Variants in NMNAT2 observed in about 807,000 individuals in gnomAD.
NMNAT2 encodes the protein nicotinamide nucleotide adenylyltransferase 2.
Under a neutral mutation model 41.6 loss-of-function variants are expected in NMNAT2, and 11 were observed. The observed-to-expected ratio is 0.26, with a 90% CI of 0.17 to 0.44. The LOEUF is 0.44. NMNAT2 is among the 20% of genes least tolerant of loss of function. The pLI, the probability that NMNAT2 is intolerant of heterozygous loss-of-function variation, is 1.00. For synonymous variants in NMNAT2, 148 were observed against 151.2 expected (o/e 0.98, Z 0.16); for missense variants, 288 against 407.7 (o/e 0.71, Z 2.53).
intron 1 of NMNAT2, among the ~76,000 whole-genome samples, chr1:183,387,554 A>G (rs1054494782): frequency 6.6e-6 from 1 of 152,192 alleles, no homozygotes; most frequent in Non-Finnish European, 1.5e-5. Context: ...CAATTTGTCA[A>G]CTAATCTACT....
At chr1:183,387,229 A>C (rs1483777402) in intron 1 of NMNAT2, among the ~76,000 whole-genome samples, 6 of 136,740 alleles carry the variant, frequency 4.4e-5, no homozygotes, top group Non-Finnish European at 3.2e-5. Context: ...CTGTGATGGA[A>C]GATCCCTGTG....
At chr1:183,383,040 C>G (rs1240583586) in intron 1 of NMNAT2, among the ~76,000 whole-genome samples, 3 of 152,240 alleles carry the variant, frequency 2.0e-5, no homozygotes, top group African/African-American at 7.2e-5. Context: ...CCTGCACATC[C>G]TTGCATGTCT....
rs192921244 is a variant in NMNAT2 at position 183,283,475 on chromosome 1, C to T, written c.574+520G>A. On this transcript the variant is annotated intron_variant, in intron 7 of 10. Coordinates refer to ENST00000287713, the MANE Select transcript of NMNAT2 (RefSeq NM_015039.4). ...TGACAGCTGTGTAACCGCCCTCCAC[C>T]GGCTCGGGCCTGCCCTGGCCTGCTC... is the stretch of plus-strand genomic sequence containing the variant. 2.6e-3 allele frequency: 410 copies of T among 160,504 alleles called. 4 individuals are homozygous for T. The highest frequency in any genetic ancestry group is 9.4e-3 in the African/African-American group (391 of 41,700). The allele number at this position is 160,504 out of a possible 1,614,324, so 9.9% of individuals were successfully genotyped here.
intron 1 of NMNAT2, among the ~76,000 whole-genome samples, chr1:183,308,683 AT>A (rs985450170): frequency 1.3e-5 from 2 of 152,244 alleles, no homozygotes; most frequent in Non-Finnish European, 2.9e-5. Flanking sequence ...GGGAAAAAAA[AT>A]CAAATCACAG....
At chr1:183,302,373 G>A (rs1239477051) in intron 1 of NMNAT2, among the ~76,000 whole-genome samples, 2 of 152,132 alleles carry the variant, frequency 1.3e-5, no homozygotes, top group Non-Finnish European at 2.9e-5. Context: ...CCACTGGGAC[G>A]GGGTGGCCTA....
rs140477053 is a variant in NMNAT2, at chr1:183,403,462, G to A, written c.85+14721C>T. 3.8e-3 allele frequency among the ~76,000 whole-genome samples: 543 copies of A among 143,770 alleles called. 7 individuals are homozygous for A. The highest frequency in any genetic ancestry group is 0.013 in the African/African-American group (520 of 39,074). The allele number at this position is 143,770 out of a possible 152,430, so 94.3% of individuals were successfully genotyped here. On this transcript the variant is annotated intron_variant, in intron 1 of 10. Coordinates refer to ENST00000287713, the MANE Select transcript of NMNAT2 (RefSeq NM_015039.4). ...ACAACCCCCCCCCCCAAAAAAAATG[G>A]CACTAAAACATCTCAGTAGCCATGG...
chr1:183,342,011 T>C (rs1486591100), intron 1 of NMNAT2, among the ~76,000 whole-genome samples: 1 of 144,524 alleles, frequency 6.9e-6, no homozygotes, highest in Non-Finnish European at 1.5e-5. Context: ...GTCTTTATCT[T>C]CCTTCCTCAC....
chr1:183,280,376 C>T (rs1330624137), intron 7 of NMNAT2, among the ~76,000 whole-genome samples: 3 of 151,956 alleles, frequency 2.0e-5, no homozygotes, highest in South Asian at 2.1e-4. Flanking sequence ...AACATAAATT[C>T]GTAAACTTCC....
chr1:183,299,037 C>T (rs905976180), intron 1 of NMNAT2, among the ~76,000 whole-genome samples: 4 of 152,184 alleles, frequency 2.6e-5, no homozygotes, highest in Non-Finnish European at 5.9e-5. Context: ...GTTAACTAAA[C>T]TGTGGTACAC....
At chr1:183,402,954 T>C (rs1648853418) in intron 1 of NMNAT2, among the ~76,000 whole-genome samples, 1 of 133,578 alleles carries the variant, frequency 7.5e-6, no homozygotes, top group Non-Finnish European at 1.6e-5. Context: ...ATAAACAACA[T>C]CATATCTTTT....
intron 8 of NMNAT2, 107 bp from the exon 9 acceptor site, chr1:183,261,410 C>T: frequency 5.9e-6 from 6 of 1,010,036 alleles, no homozygotes; most frequent in Non-Finnish European, 9.2e-6. Context: ...CATGGAGCCC[C>T]AAGCTTTAGT....
chr1:183,364,370 G>A (rs746025622), intron 1 of NMNAT2, among the ~76,000 whole-genome samples: 7 of 152,152 alleles, frequency 4.6e-5, no homozygotes, highest in East Asian at 1.9e-4. Flanking sequence ...CTGAAGTTTC[G>A]TCTTTCTTCT....
intron 8 of NMNAT2, among the ~76,000 whole-genome samples, chr1:183,275,138 AGT>A (rs1203117014): frequency 6.6e-6 from 1 of 152,202 alleles, no homozygotes; most frequent in Non-Finnish European, 1.5e-5. Context: ...CTGAGATTGA[AGT>A]CCTGTCCTCA....
In NMNAT2 at chr1:183,406,159, G is replaced by T. The variant is rs114535684; in HGVS notation, c.85+12024C>A. ...ATGATAGATAAGACAGCACAATCAG[G>T]CCACATCAGAATGCAGTATCATGAA... On this transcript the variant is annotated intron_variant, in intron 1 of 10. Coordinates refer to ENST00000287713, the MANE Select transcript of NMNAT2 (RefSeq NM_015039.4). 3.9e-3 allele frequency among the ~76,000 whole-genome samples: 588 copies of T among 152,256 alleles called. 6 individuals are homozygous for T. Among genetic ancestry groups the T allele is most frequent in the African/African-American group, 0.014 (565 of 41,524 alleles).
intron 1 of NMNAT2, among the ~76,000 whole-genome samples, chr1:183,295,287 C>T (rs1661659947): frequency 2.0e-5 from 3 of 152,100 alleles, no homozygotes; most frequent in Non-Finnish European, 4.4e-5. Flanking sequence ...CAGGCATGAG[C>T]CACGGCACTT....
chr1:183,281,595 A>C (rs1661271723), intron 7 of NMNAT2, among the ~76,000 whole-genome samples: 1 of 152,232 alleles, frequency 6.6e-6, no homozygotes, highest in Admixed American at 6.5e-5. Context: ...GGACCAGTGC[A>C]AACATTTAAG....
At chr1:183,269,795 G>A (rs746078085) in intron 8 of NMNAT2, among the ~76,000 whole-genome samples, 3 of 152,180 alleles carry the variant, frequency 2.0e-5, no homozygotes, top group Non-Finnish European at 4.4e-5. Flanking sequence ...AATGTGAATG[G>A]AATCCACCGT....
At chr1:183,362,734 C>T (rs760326290) in intron 1 of NMNAT2, among the ~76,000 whole-genome samples, 13 of 152,088 alleles carry the variant, frequency 8.5e-5, no homozygotes, top group African/African-American at 1.2e-4. Flanking sequence ...ACATCATGTA[C>T]GAGTTTTAGT....
In NMNAT2 at chr1:183,259,662, C is replaced by T. The variant is rs192586007; in HGVS notation, c.821+1340G>A. On this transcript the variant is annotated intron_variant, in intron 10 of 10. Transcript: ENST00000287713. The stretch of plus-strand genomic sequence containing the variant: ...TCACCCAGGCTGAAGTGCAGTGGCG[C>T]GATCTCGGCTCACTGCAAGCTCTGC... 1.1e-3 allele frequency among the ~76,000 whole-genome samples: 167 copies of T among 152,220 alleles called. 1 individual carries two copies. Among genetic ancestry groups the T allele is most frequent in the African/African-American group, 3.7e-3 (155 of 41,522 alleles).
Sources: allele counts gnomAD v4.1 joint callset (sites outside exome capture counted in the v4.1 genomes callset), GRCh38; gene constraint gnomAD v4.1.1; transcripts MANE v1.5; gene names NCBI Gene and HGNC (gene_info 2026-07-23, HGNC 2026-07-21).